The following SHC4 variants were observed in gnomAD, a reference collection of about 807,000 sequenced individuals.
The protein encoded by SHC4 is SHC adaptor protein 4.
SHC4 carries 41 observed loss-of-function variants against 69.4 expected under a neutral mutation model. The ratio of observed to expected loss-of-function variants is 0.59; its 90% CI spans 0.46 to 0.77. The LOEUF (loss-of-function observed/expected upper bound fraction) is 0.77. Among genes scored for constraint, SHC4 ranks in the 30% least tolerant of loss-of-function variants. The pLI, the probability that SHC4 is intolerant of heterozygous loss-of-function variation, is 0.00. For synonymous variants in SHC4, 318 were observed against 299.3 expected (o/e 1.06, Z -0.64); for missense variants, 777 against 783.8 (o/e 0.99, Z 0.10).
intron 2 of SHC4, among the ~76,000 whole-genome samples, chr15:48,911,413 G>C (rs1416730761): frequency 1.3e-5 from 2 of 152,142 alleles, no homozygotes; most frequent in East Asian, 3.8e-4. Context: ...CCATTTGCAT[G>C]AAATGGTTTT....
chr15:48,856,879 T>C (rs1016762104), intron 7 of SHC4, among the ~76,000 whole-genome samples: 1 of 152,054 alleles, frequency 6.6e-6, no homozygotes, highest in Non-Finnish European at 1.5e-5. Context: ...AATAAAATGA[T>C]AGCACTAAGA....
At chr15:48,857,566 T>TTTATTAGAAA in intron 7 of SHC4, 126 bp downstream of exon 7, 1 of 859,408 alleles carries the variant, frequency 1.2e-6, no homozygotes, top group East Asian at 3.4e-5. Context: ...AGAAAAAAAT[T>TTTATTAGAAA]ACTAATTTTA....
intron 1 of SHC4, among the ~76,000 whole-genome samples, chr15:48,949,655 C>A (rs1901333407): frequency 6.6e-6 from 1 of 151,728 alleles, no homozygotes; most frequent in African/African-American, 2.4e-5. Flanking sequence ...GCATTATTAC[C>A]CACCATTCTT....
At chr15:48,927,903 T>C (rs59661451) in intron 1 of SHC4, among the ~76,000 whole-genome samples, 49,372 of 152,040 alleles carry the variant, frequency 0.32, 8,512 homozygotes, top group East Asian at 0.53. Flanking sequence ...CTAGTACCTC[T>C]TTCTATTCCC....
intron 1 of SHC4, among the ~76,000 whole-genome samples, chr15:48,935,661 C>T (rs1360859347): frequency 6.6e-6 from 1 of 152,104 alleles, no homozygotes; most frequent in African/African-American, 2.4e-5. Flanking sequence ...ATGGAAAATC[C>T]TTCCCCTTTT....
At position 48,843,301 on chromosome 15, in the gene SHC4, T is replaced by C; in HGVS notation, c.1483+108A>G. On this transcript the variant is annotated intron_variant, in intron 10 of 11. Transcript: ENST00000332408. ...GAAGGAACCAACCCTGCTGACACTT[T>C]GATTTTGGACTTCTGGCCTCCAGAA... The C allele has an allele frequency of 8.0e-6, 9 of 1,130,146 alleles. No homozygotes were observed. In the South Asian group the frequency reaches 1.4e-4, roughly 17 times the overall value. The allele number at this position is 1,130,146 out of a possible 1,614,324, so 70.0% of individuals were successfully genotyped here.
chr15:48,960,071 G>A (rs572172677), intron 1 of SHC4, among the ~76,000 whole-genome samples: 6 of 152,258 alleles, frequency 3.9e-5, no homozygotes, highest in African/African-American at 9.6e-5. Flanking sequence ...AGCTTGTATC[G>A]GACATCACGG....
At chr15:48,881,069 T>C (rs1435407122) in intron 4 of SHC4, among the ~76,000 whole-genome samples, 1 of 151,646 alleles carries the variant, frequency 6.6e-6, no homozygotes, top group Non-Finnish European at 1.5e-5. Context: ...GAAATTCTGA[T>C]TTTGCAAGGT....
intron 1 of SHC4, among the ~76,000 whole-genome samples, chr15:48,958,640 G>A (rs371728100): frequency 7.2e-5 from 11 of 152,316 alleles, no homozygotes; most frequent in South Asian, 2.1e-4. Flanking sequence ...CTGGTGCTGC[G>A]AGGGGGCTTT....
At chr15:48,880,240 GAT>G (rs1325257870) in intron 4 of SHC4, 5 of 166,714 alleles carry the variant, frequency 3.0e-5, no homozygotes, top group Non-Finnish European at 5.9e-5. Context: ...ATCTGTAAAA[GAT>G]AGGACTGTGA....
intron 1 of SHC4, among the ~76,000 whole-genome samples, chr15:48,957,195 C>G (rs568113776): frequency 6.6e-6 from 1 of 152,140 alleles, no homozygotes; most frequent in South Asian, 2.1e-4. Context: ...CCTGGCTGGT[C>G]TCGAACTCCT....
At chr15:48,911,059 T>C (rs1266745090) in intron 2 of SHC4, among the ~76,000 whole-genome samples, 1 of 152,224 alleles carries the variant, frequency 6.6e-6, no homozygotes, top group Non-Finnish European at 1.5e-5. Context: ...GCATGAAATG[T>C]TCTGTATATA....
intron 3 of SHC4, among the ~76,000 whole-genome samples, chr15:48,889,843 C>CA (rs1900104422): frequency 6.6e-6 from 1 of 152,052 alleles, no homozygotes; most frequent in Non-Finnish European, 1.5e-5. Flanking sequence ...GACTCCGTCT[C>CA]AAAAACAAAA....
chr15:48,831,320 G>A (rs2140964772), intron 11 of SHC4, among the ~76,000 whole-genome samples: 1 of 152,262 alleles, frequency 6.6e-6, no homozygotes, highest in East Asian at 1.9e-4. Context: ...GCAGTAGTGT[G>A]CAGTAATGTC....
intron 2 of SHC4, among the ~76,000 whole-genome samples, chr15:48,904,287 C>T (rs1900366405): frequency 6.6e-6 from 1 of 152,118 alleles, no homozygotes; most frequent in Non-Finnish European, 1.5e-5. Context: ...TTTTTAATTT[C>T]TCTAAGTCTC....
chr15:48,842,624 T>C (rs377492675), intron 10 of SHC4, among the ~76,000 whole-genome samples: 1 of 152,120 alleles, frequency 6.6e-6, no homozygotes, highest in East Asian at 1.9e-4. Context: ...ATTAGTTAAA[T>C]AGTAGCCCTC....
At chr15:48,885,816 GA>G (rs2141003328) in intron 3 of SHC4, among the ~76,000 whole-genome samples, 1 of 152,270 alleles carries the variant, frequency 6.6e-6, no homozygotes, top group African/African-American at 2.4e-5. Context: ...TCATAAAGCT[GA>G]CTCTTGGTCT....
intron 10 of SHC4, among the ~76,000 whole-genome samples, chr15:48,840,681 C>G (rs1313278711): frequency 1.3e-5 from 2 of 152,232 alleles, no homozygotes; most frequent in African/African-American, 4.8e-5. Flanking sequence ...GTGCTTTAAC[C>G]AGCTAAGCCA....
At chr15:48,932,002 T>C (rs1295033315) in intron 1 of SHC4, among the ~76,000 whole-genome samples, 1 of 151,416 alleles carries the variant, frequency 6.6e-6, no homozygotes. Flanking sequence ...TGCGTGGGAG[T>C]TGGAGATTTC....
Sources: allele counts gnomAD v4.1 joint callset (sites outside exome capture counted in the v4.1 genomes callset), GRCh38; gene constraint gnomAD v4.1.1; transcripts MANE v1.5; gene names NCBI Gene and HGNC (gene_info 2026-07-23, HGNC 2026-07-21).